Variants in PTPRD observed in about 807,000 individuals in gnomAD.
PTPRD encodes the protein protein tyrosine phosphatase receptor type D.
In PTPRD, 34 loss-of-function variants were observed where a neutral mutation model predicts 214.5. The observed-to-expected ratio is 0.16, with a 90% CI of 0.12 to 0.21. The LOEUF (loss-of-function observed/expected upper bound fraction) is 0.21. PTPRD is among the 10% of genes least tolerant of loss of function. The pLI, the probability that PTPRD is intolerant of heterozygous loss-of-function variation, is 1.00. For missense variants in PTPRD, 2,545 were observed against 2,398.7 expected (o/e 1.06, Z -1.27); for synonymous variants, 1,128 against 845.7 (o/e 1.33, Z -5.79).
intron 10 of PTPRD, among the ~76,000 whole-genome samples, chr9:9,074,496 A>G (rs1216977127): frequency 6.6e-6 from 1 of 152,066 alleles, no homozygotes; most frequent in Admixed American, 6.6e-5. Context: ...GAGACTTGTA[A>G]TTTCTTTCCA....
Position 9,181,439 on chromosome 9 carries a change from CTG to C in PTPRD, c.-143+1863_-143+1864del, listed in dbSNP as rs2099928148. 1.3e-5 allele frequency among the ~76,000 whole-genome samples: 2 copies of C among 151,640 alleles called. 1 individual carries two copies. Among genetic ancestry groups the C allele is most frequent in the East Asian group, 3.9e-4 (2 of 5,144 alleles). ...TGCCTGTTTCCATTTTCAAACCTGCCTGTGTGTGAGCAGACAGGTTCCTGATG... is the reference window on the plus strand; with the variant it reads ...TGCCTGTTTCCATTTTCAAACCTGCCTGTGTGAGCAGACAGGTTCCTGATG... On this transcript the variant is annotated intron_variant, in intron 10 of 45. Transcript: ENST00000381196.
rs1378031777 is a variant in PTPRD, at chr9:10,313,417, C to CACACACACACACACACACAT, written c.-545+27545_-545+27546insATGTGTGTGTGTGTGTGTGT. ...CAGATTACACACACACACACACACA[C>CACACACACACACACACACAT]AAATTTTTAAAAAGTCCCTAATACT... On this transcript the variant is annotated intron_variant, in intron 3 of 45. Coordinates refer to ENST00000381196, the MANE Select transcript of PTPRD (RefSeq NM_002839.4). 8.6e-5 allele frequency among the ~76,000 whole-genome samples: 13 copies of CACACACACACACACACACAT among 151,734 alleles called. 1 individual carries two copies. Among genetic ancestry groups the CACACACACACACACACACAT allele is most frequent in the African/African-American group, 3.1e-4 (13 of 41,336 alleles).
intron 10 of PTPRD, among the ~76,000 whole-genome samples, chr9:9,068,935 A>G (rs2154407082): frequency 6.6e-6 from 1 of 152,260 alleles, no homozygotes; most frequent in African/African-American, 2.4e-5. Flanking sequence ...ATGGGAAAAT[A>G]TTTGGACATC....
intron 4 of PTPRD, among the ~76,000 whole-genome samples, chr9:9,982,466 G>GTT (rs2095573531): frequency 1.3e-5 from 1 of 75,882 alleles, no homozygotes; most frequent in East Asian, 2.8e-4. Context: ...TTGTTGTTGT[G>GTT]GTGGTGGTGG....
intron 5 of PTPRD, among the ~76,000 whole-genome samples, chr9:9,791,438 C>T (rs988972951): frequency 1.3e-5 from 2 of 151,848 alleles, no homozygotes; most frequent in East Asian, 1.9e-4. Flanking sequence ...TTCTAATGGC[C>T]TAGATGGAAT....
intron 9 of PTPRD, among the ~76,000 whole-genome samples, chr9:9,349,936 G>C (rs1472422307): frequency 6.6e-6 from 1 of 152,112 alleles, no homozygotes; most frequent in Non-Finnish European, 1.5e-5. Context: ...TTAACTTTCA[G>C]AGTAGAGGGG....
chr9:10,231,772 T>A (rs528425000), intron 3 of PTPRD, among the ~76,000 whole-genome samples: 6 of 151,856 alleles, frequency 4.0e-5, no homozygotes, highest in Non-Finnish European at 7.4e-5. Context: ...ATATGGTTTG[T>A]CCCCACCAAA....
chr9:10,428,589 C>T (rs983908101), intron 2 of PTPRD, among the ~76,000 whole-genome samples: 1 of 151,890 alleles, frequency 6.6e-6, no homozygotes, highest in African/African-American at 2.4e-5. Flanking sequence ...TCTTAAGATC[C>T]CACTGTTCTC....
chr9:8,457,358 G>C (rs886871529), intron 33 of PTPRD, among the ~76,000 whole-genome samples: 1 of 152,000 alleles, frequency 6.6e-6, no homozygotes, highest in East Asian at 1.9e-4. Flanking sequence ...CAAAATTATA[G>C]TACAAGAAAA....
intron 7 of PTPRD, among the ~76,000 whole-genome samples, chr9:9,625,196 T>C (rs1448785706): frequency 6.6e-6 from 1 of 152,164 alleles, no homozygotes; most frequent in Non-Finnish European, 1.5e-5. Context: ...CTTCTAAAGT[T>C]GGAGGTATGT....
At chr9:9,838,211 T>G (rs142887640) in intron 5 of PTPRD, among the ~76,000 whole-genome samples, 1,902 of 152,284 alleles carry the variant, frequency 0.012, 23 homozygotes, top group African/African-American at 0.042. Context: ...CTATTGTGAA[T>G]AGTGCTGCAA....
chr9:10,212,214 A>T (rs915668923), intron 3 of PTPRD, among the ~76,000 whole-genome samples: 9 of 152,084 alleles, frequency 5.9e-5, no homozygotes, highest in African/African-American at 1.9e-4. Context: ...TTCTTAGATG[A>T]ATATAAACAT....
At chr9:10,082,578 A>C (rs1316064811) in intron 3 of PTPRD, among the ~76,000 whole-genome samples, 1 of 152,024 alleles carries the variant, frequency 6.6e-6, no homozygotes, top group Non-Finnish European at 1.5e-5. Context: ...AGGTGAAGTT[A>C]TGTAGAAACT....
At chr9:8,986,699 A>T (rs1424826149) in intron 11 of PTPRD, among the ~76,000 whole-genome samples, 1 of 152,086 alleles carries the variant, frequency 6.6e-6, no homozygotes, top group Admixed American at 6.6e-5. Context: ...TGAAAAATAT[A>T]TGCTCACTTT....
Position 10,185,417 on chromosome 9 carries a change from G to C in PTPRD, c.-544-151627C>G, listed in dbSNP as rs141798516. Among the ~76,000 whole-genome samples the C allele has an allele frequency of 2.7e-4, 41 of 152,278 alleles. No homozygotes were observed. In the East Asian group the frequency reaches 7.7e-3, roughly 29 times the overall value. ...TTTGAGAAGTCTTGTCACTACTCTT[G>C]AAGAAAAGGGAGAAAGAAAATTAGC... On this transcript the variant is annotated intron_variant, in intron 3 of 45. Coordinates refer to ENST00000381196, the MANE Select transcript of PTPRD (RefSeq NM_002839.4).
intron 11 of PTPRD, among the ~76,000 whole-genome samples, chr9:8,762,870 C>T (rs1022885501): frequency 1.3e-5 from 2 of 152,178 alleles, no homozygotes; most frequent in African/African-American, 4.8e-5. Context: ...TGAGAAAAAG[C>T]ACAGAATGCC....
intron 3 of PTPRD, among the ~76,000 whole-genome samples, chr9:10,131,555 C>A (rs766596359): frequency 6.6e-6 from 1 of 152,220 alleles, no homozygotes; most frequent in Admixed American, 6.5e-5. Flanking sequence ...AATCCCAAAT[C>A]CGTGACCAAC....
At chr9:10,341,663 T>G (rs2096941694) in intron 2 of PTPRD, among the ~76,000 whole-genome samples, 1 of 151,980 alleles carries the variant, frequency 6.6e-6, no homozygotes, top group African/African-American at 2.4e-5. Context: ...GATAGATGGT[T>G]TTAACATTGT....
intron 8 of PTPRD, among the ~76,000 whole-genome samples, chr9:9,410,864 C>G (rs111269656): frequency 1.3e-5 from 2 of 152,274 alleles, no homozygotes; most frequent in African/African-American, 4.8e-5. Context: ...TGCAGCAGAA[C>G]TCTGCGACCA....
Sources: gnomAD v4.1 joint callset for allele counts (sites outside exome capture counted in the v4.1 genomes callset) on GRCh38, gnomAD v4.1.1 for gene constraint, MANE v1.5 for transcripts, NCBI Gene and HGNC (gene_info 2026-07-23, HGNC 2026-07-21) for gene names.